The following KLHL1 variants were observed in gnomAD, a reference collection of about 807,000 sequenced individuals.
KLHL1 encodes kelch like family member 1, also known as kelch-like protein 1.
A neutral mutation model predicts 77.7 loss-of-function variants in KLHL1; 47 were observed. That is an observed-to-expected ratio of 0.60 (90% CI 0.48 to 0.77). The LOEUF is 0.77. Ranked by LOEUF, KLHL1 falls within the 30% of genes least tolerant of loss-of-function variation. KLHL1 has a pLI of 0.00. For synonymous variants in KLHL1, 360 were observed against 325.2 expected (o/e 1.11, Z -1.15); for missense variants, 925 against 910.8 (o/e 1.02, Z -0.20).
At chr13:70,020,788 G>GATATATAGT (rs1555291089) in intron 1 of KLHL1, among the ~76,000 whole-genome samples, 7 of 151,774 alleles carry the variant, frequency 4.6e-5, no homozygotes, top group African/African-American at 1.7e-4. Context: ...CATATTGTGA[G>GATATATAGT]ATATATATGT....
At chr13:69,834,009 T>A (rs1250217959) in intron 6 of KLHL1, among the ~76,000 whole-genome samples, 1 of 151,940 alleles carries the variant, frequency 6.6e-6, no homozygotes, top group Non-Finnish European at 1.5e-5. Context: ...TCGTATGTTC[T>A]CATTTATAAG....
In KLHL1 at chr13:70,066,862, C is replaced by T. The variant is rs530912485; in HGVS notation, c.497+40341G>A. ...TTATCATAACAGAATGAAAAATAGT[C>T]ATTTTATATAACAGCTCTAAAATAA... On this transcript the variant is annotated intron_variant, in intron 1 of 10. Coordinates refer to ENST00000377844, the MANE Select transcript of KLHL1 (RefSeq NM_020866.3). 4.6e-5 allele frequency among the ~76,000 whole-genome samples: 7 copies of T among 152,292 alleles called. No individual in the cohort carries two copies. The South Asian group carries it at 8.3e-4, about 18-fold the overall frequency.
chr13:70,051,256 T>G (rs1886622962), intron 1 of KLHL1, among the ~76,000 whole-genome samples: 1 of 152,010 alleles, frequency 6.6e-6, no homozygotes, highest in Non-Finnish European at 1.5e-5. Context: ...ATATCATGTG[T>G]TTCCAATAAC....
In KLHL1 at chr13:69,934,353, T is replaced by C. The variant is rs1292353337; in HGVS notation, c.1014+5687A>G. On this transcript the variant is annotated intron_variant, in intron 4 of 10. Transcript: ENST00000377844. ...ATATATCACATCTTATATTACATCT[T>C]ATAATTTTTCTTTGTAAAATTTACC... Among the ~76,000 whole-genome samples, 4 of 152,252 alleles carry C rather than the reference T, an allele frequency of 2.6e-5. No homozygotes were observed. In the East Asian group the frequency reaches 7.8e-4, roughly 30 times the overall value.
At chr13:69,786,657 G>C (rs980476816) in intron 7 of KLHL1, among the ~76,000 whole-genome samples, 1 of 152,144 alleles carries the variant, frequency 6.6e-6, no homozygotes, top group Non-Finnish European at 1.5e-5. Flanking sequence ...TTCTGGCCAG[G>C]TCAATTAGGC....
At chr13:69,833,492 T>C (rs1878848907) in intron 6 of KLHL1, among the ~76,000 whole-genome samples, 1 of 151,808 alleles carries the variant, frequency 6.6e-6, no homozygotes, top group African/African-American at 2.4e-5. Context: ...AGGGAACACT[T>C]TTACACTGCT....
intron 1 of KLHL1, among the ~76,000 whole-genome samples, chr13:70,048,600 G>A (rs898368317): frequency 3.3e-5 from 5 of 152,134 alleles, no homozygotes; most frequent in African/African-American, 7.2e-5. Context: ...AAGCGGGGGC[G>A]GTTTCATCAG....
At chr13:69,946,617 A>G (rs2137247908) in intron 3 of KLHL1, among the ~76,000 whole-genome samples, 1 of 152,190 alleles carries the variant, frequency 6.6e-6, no homozygotes, top group Middle Eastern at 3.4e-3. Context: ...GGCTCAAGTT[A>G]TCCTCTTGCC....
At chr13:70,047,399 T>TGTGTG (rs1886528002) in intron 1 of KLHL1, among the ~76,000 whole-genome samples, 1 of 149,776 alleles carries the variant, frequency 6.7e-6, no homozygotes, top group Non-Finnish European at 1.5e-5. Flanking sequence ...GGAAATCTGT[T>TGTGTG]TGTGTGTGTG....
chr13:69,989,695 T>C (rs1390527031), intron 1 of KLHL1, among the ~76,000 whole-genome samples: 3 of 151,920 alleles, frequency 2.0e-5, no homozygotes, highest in Non-Finnish European at 4.4e-5. Flanking sequence ...TAGCTGTATT[T>C]CTAGGTATTT....
chr13:69,780,747 T>TATATATATATATACAC (rs1566244160), intron 7 of KLHL1, among the ~76,000 whole-genome samples: 1,073 of 95,604 alleles, frequency 0.011, 41 homozygotes, highest in African/African-American at 0.046. Flanking sequence ...TATATATACA[T>TATATATATATATACAC]ATATATATAT....
intron 5 of KLHL1, among the ~76,000 whole-genome samples, chr13:69,870,798 C>T (rs1812901403): frequency 6.6e-6 from 1 of 151,950 alleles, no homozygotes; most frequent in Non-Finnish European, 1.5e-5. Context: ...CCAAAATCAT[C>T]TCCTGTAACT....
chr13:69,769,083 C>G (rs1875443252), intron 7 of KLHL1, among the ~76,000 whole-genome samples: 1 of 152,136 alleles, frequency 6.6e-6, no homozygotes, highest in Non-Finnish European at 1.5e-5. Context: ...CTACAATTAT[C>G]TGTACTATAA....
intron 8 of KLHL1, among the ~76,000 whole-genome samples, chr13:69,720,420 A>G (rs1029809447): frequency 1.6e-4 from 25 of 152,102 alleles, no homozygotes; most frequent in African/African-American, 5.8e-4. Flanking sequence ...GGTGTGTCAC[A>G]CATTGTTAAA....
chr13:69,861,700 A>C lies in KLHL1; in HGVS notation c.1227+20583T>G, dbSNP rs184854903. 5.4e-3 allele frequency among the ~76,000 whole-genome samples: 805 copies of C among 150,370 alleles called. 5 individuals carry two copies. Among genetic ancestry groups the C allele is most frequent in the African/African-American group, 0.018 (726 of 40,844 alleles). Reference sequence around the variant, plus strand: ...CGCAGTGGCTCACGCCTGTAATCCCAGCACTTTGGGAGTGTTCAGGGTGGA... The same window carrying C: ...CGCAGTGGCTCACGCCTGTAATCCCCGCACTTTGGGAGTGTTCAGGGTGGA... On this transcript the variant is annotated intron_variant, in intron 5 of 10. Coordinates refer to ENST00000377844, the MANE Select transcript of KLHL1 (RefSeq NM_020866.3).
chr13:69,747,608 AATAT>A (rs1874272778), intron 7 of KLHL1, among the ~76,000 whole-genome samples: 1 of 152,002 alleles, frequency 6.6e-6, no homozygotes, highest in African/African-American at 2.4e-5. Context: ...CATGAAAGAG[AATAT>A]ATATAAAGGT....
At chr13:70,057,669 G>A (rs1218556218) in intron 1 of KLHL1, among the ~76,000 whole-genome samples, 8 of 149,200 alleles carry the variant, frequency 5.4e-5, no homozygotes, top group East Asian at 2.0e-4. Flanking sequence ...CCAGCTACTC[G>A]GGAGGCTGAG....
chr13:69,719,682 C>A, intron 8 of KLHL1, 101 bp from the exon 9 acceptor site: 2 of 802,568 alleles, frequency 2.5e-6, no homozygotes, highest in Non-Finnish European at 4.0e-6. Flanking sequence ...GAGGCTCAAA[C>A]GTGTTGGAAA....
Position 69,708,158 on chromosome 13 carries a change from A to G in KLHL1, c.2016-362T>C, listed in dbSNP as rs182106934. Among the ~76,000 whole-genome samples the G allele has an allele frequency of 5.6e-3, 851 of 152,144 alleles. 6 individuals carry two copies. Among genetic ancestry groups the G allele is most frequent in the African/African-American group, 0.02 (814 of 41,566 alleles). On this transcript the variant is annotated intron_variant, in intron 9 of 10. Transcript: ENST00000377844. ...CCTATGGTAATGAAGCAGAAGAAATAGTTAAAAATCTGGGAGCATTGTGGA... is the reference window on the plus strand; with the variant it reads ...CCTATGGTAATGAAGCAGAAGAAATGGTTAAAAATCTGGGAGCATTGTGGA...
Sources: allele counts gnomAD v4.1 joint callset (sites outside exome capture counted in the v4.1 genomes callset), GRCh38; gene constraint gnomAD v4.1.1; transcripts MANE v1.5; gene names NCBI Gene and HGNC (gene_info 2026-07-23, HGNC 2026-07-21).